GNPTG: variants seen among roughly 807,000 people sequenced by gnomAD.
GNPTG encodes the protein N-acetylglucosamine-1-phosphotransferase subunit gamma.
A neutral mutation model predicts 43.8 loss-of-function variants in GNPTG; 46 were observed. The ratio of observed to expected loss-of-function variants is 1.05; its 90% CI spans 0.83 to 1.34. The LOEUF is 1.34. Ranked by LOEUF, GNPTG falls within the 40% of genes most tolerant of loss-of-function variation. The probability of loss-of-function intolerance (pLI) is 0.00; values close to 1 mark genes in which losing one functional copy is unlikely to be tolerated. For missense variants in GNPTG, 549 were observed against 411.3 expected, an observed-to-expected ratio of 1.33 and a Z score of -2.90; for synonymous variants, 250 against 172.8, an observed-to-expected ratio of 1.45 and a Z score of -3.50.
At position 1,352,303 on chromosome 16, in the gene GNPTG, T is replaced by C; in HGVS notation, c.175T>C (p.Ser59Pro). ...GGCCAAGAGGGATCCTTCACCCGTG[T>C]CTGGTGAGTGAGGAGCGCTGTTGGC... is the stretch of plus-strand genomic sequence containing the variant. ...LQAKRDPSPV[S>P]GPVHLFRLSG... The change falls in exon 3 of 11, where the codon TCT (serine) becomes CCT (proline). Residue 59 changes from serine (S) to proline (P), a missense_variant. By Grantham distance (74) the Ser-to-Pro change is moderately conservative (BLOSUM62 -1). Transcript: ENST00000204679. The C allele has an allele frequency of 6.5e-7, 1 of 1,548,246 alleles. No individual in the cohort carries two copies.
rs772723751 is a variant in GNPTG, at chr16:1,363,026, G to A, written c.853G>A (p.Glu285Lys). 3.7e-6 allele frequency: 6 copies of A among 1,613,918 alleles called. No homozygotes were observed. The highest frequency in any genetic ancestry group is 2.2e-5 in the East Asian group (1 of 44,868). The change falls in exon 11 of 11, where the codon GAG (glutamate) becomes AAG (lysine). Residue 285 changes from glutamate (E) to lysine (K), a missense_variant. Coordinates refer to ENST00000204679, the MANE Select transcript of GNPTG (RefSeq NM_032520.5). ...TTCCAACTTGGAGCACTTGGGCCAC[G>A]AGACGCCCAGAGCCAAGTCTCCAGA... ...ETSNLEHLGH[E>K]TPRAKSPEQL...
chr16:1,362,320 G>A lies in GNPTG; in HGVS notation c.526G>A (p.Val176Met). 1 of 1,612,682 alleles carries A rather than the reference G, an allele frequency of 6.2e-7. No homozygotes were observed. The highest frequency in any genetic ancestry group is 1.1e-5 in the South Asian group (1 of 91,060). The change falls in exon 7 of 11, where the codon GTG becomes ATG. Residue 176 changes from valine to methionine, a missense_variant and splice_region_variant. Coordinates refer to ENST00000204679, the MANE Select transcript of GNPTG (RefSeq NM_032520.5). ...PLVCHPHALL[V>M]YPTLPEALQR... ...CGTCTGCCACCCCCACGCCTTGCTAGGTAGGGGTGCGGGACGCAGTTGAGC... is the reference window on the plus strand; with the variant it reads ...CGTCTGCCACCCCCACGCCTTGCTAAGTAGGGGTGCGGGACGCAGTTGAGC...
intron 7 of GNPTG, 42 bp downstream of exon 7, chr16:1,362,362 C>G (rs763241194): frequency 6.2e-7 from 1 of 1,608,558 alleles, no homozygotes; most frequent in African/African-American, 1.3e-5. Context: ...GGGTCAGCCG[C>G]GCACGCAGCC....
chr16:1,359,678 G>A (rs1358783946), intron 3 of GNPTG, among the ~76,000 whole-genome samples: 1 of 152,168 alleles, frequency 6.6e-6, no homozygotes, highest in African/African-American at 2.4e-5. Flanking sequence ...AGATTTGTTC[G>A]ATGATTTGGG....
chr16:1,361,266 T>A (rs1388851716), intron 3 of GNPTG: 1 of 188,490 alleles, frequency 5.3e-6, no homozygotes, highest in Non-Finnish European at 1.1e-5. Flanking sequence ...GAAGGGCTAT[T>A]TTTAGAATTC....
chr16:1,361,858 A>G lies in GNPTG; in HGVS notation c.234-14A>G, dbSNP rs1294766366. The stretch of plus-strand genomic sequence containing the variant: ...GCAGCCTGCGGACCCCCCTCATGCC[A>G]TCTGTGTCCCCAGGTACAAGTATGA... On this transcript the variant is annotated splice_polypyrimidine_tract_variant and intron_variant, in intron 4 of 10. Coordinates refer to ENST00000204679, the MANE Select transcript of GNPTG (RefSeq NM_032520.5). 1.9e-6 allele frequency: 3 copies of G among 1,613,952 alleles called. No homozygotes were observed. The highest frequency in any genetic ancestry group is 1.3e-5 in the African/African-American group (1 of 75,044).
At chr16:1,360,879 G>GCACCC (rs937223160) in intron 3 of GNPTG, 1 of 152,404 alleles carries the variant, frequency 6.6e-6, no homozygotes, top group African/African-American at 2.4e-5. Context: ...TTCCCCGGGT[G>GCACCC]GCACACCGGC....
intron 3 of GNPTG, among the ~76,000 whole-genome samples, chr16:1,360,045 T>G (rs369579160): frequency 6.6e-6 from 1 of 151,982 alleles, no homozygotes. Context: ...GTGGTGGAGA[T>G]TGTAGTGAGC....
At position 1,362,086 on chromosome 16, in the gene GNPTG, G is replaced by A. The variant is rs757394606; in HGVS notation, c.366G>A (p.Trp122Ter). The A allele has an allele frequency of 6.2e-7, 1 of 1,612,076 alleles. No individual in the cohort carries two copies. The highest frequency in any genetic ancestry group is 1.1e-5 in the South Asian group (1 of 90,954). Residue 122 changes from tryptophan (W) to a stop codon, truncating the protein, a stop_gained, in exon 6 of 11, where the codon TGG becomes TGA. Transcript: ENST00000204679. LOFTEE classifies it high-confidence loss of function. ...CCAACAACACCTTCACGGGCATGTG[G>A]ATGAGGGACGGTGACGCCTGCCGTT... Reference protein sequence around the residue: ...EIANNTFTGMWMRDGDACRSR... With the variant: ...EIANNTFTGM
At position 1,352,632 on chromosome 16, in the gene GNPTG, A is replaced by G. The variant is rs1191983353; in HGVS notation, c.178+326A>G. 2.2e-5 allele frequency: 8 copies of G among 369,534 alleles called. No individual in the cohort carries two copies. The East Asian group carries it at 4.3e-4, about 20-fold the overall frequency. The allele number at this position is 369,534 out of a possible 1,614,324, so 22.9% of individuals were successfully genotyped here. A position where few individuals can be genotyped will look rare whatever the true frequency, so the allele number is the denominator to read the frequency against. ...TTTTTGTAATCTAATCGCTTTTTTA[A>G]AAAATCATGCTGCGCGAGTATTTGG... On this transcript the variant is annotated intron_variant, in intron 3 of 10. Coordinates refer to ENST00000204679, the MANE Select transcript of GNPTG (RefSeq NM_032520.5).
rs901250980 is a variant in GNPTG at position 1,352,288 on chromosome 16, G to A, written c.160G>A (p.Asp54Asn). 2.1e-5 allele frequency: 33 copies of A among 1,548,242 alleles called. No individual in the cohort carries two copies. The highest frequency in any genetic ancestry group is 2.4e-5 in the Non-Finnish European group (28 of 1,146,820). ...PQASRLQAKRDPSPVSGPVHL... is the reference protein window; with the variant it reads ...PQASRLQAKRNPSPVSGPVHL... The stretch of plus-strand genomic sequence containing the variant: ...GGCCAGTCGCCTCCAGGCCAAGAGG[G>A]ATCCTTCACCCGTGTCTGGTGAGTG... The change falls in exon 3 of 11, where the codon GAT becomes AAT. Residue 54 changes from aspartate to asparagine, a missense_variant. Coordinates refer to ENST00000204679, the MANE Select transcript of GNPTG (RefSeq NM_032520.5).
Position 1,364,029 on chromosome 16 carries a change from G to A in GNPTG, c.*938G>A, listed in dbSNP as rs1490596768. The A allele has an allele frequency of 1.3e-5, 2 of 152,186 alleles. No homozygotes were observed. Among genetic ancestry groups the A allele is most frequent in the African/African-American group, 4.8e-5 (2 of 41,430 alleles). The allele number at this position is 152,186 out of a possible 1,614,324, so 9.4% of individuals were successfully genotyped here. ...CTGACAACCGGGAGATGTCTCGGCA[G>A]ACACCACTTATCCCAGAAAAGACCA... is the stretch of plus-strand genomic sequence containing the variant. On this transcript the variant is annotated 3_prime_UTR_variant, in exon 11 of 11. Coordinates refer to ENST00000204679, the MANE Select transcript of GNPTG (RefSeq NM_032520.5).
chr16:1,358,632 A>G (rs1210513849), intron 3 of GNPTG, among the ~76,000 whole-genome samples: 2 of 152,084 alleles, frequency 1.3e-5, no homozygotes, highest in African/African-American at 4.8e-5. Context: ...GGATCTTATT[A>G]GAATTCCATG....
At chr16:1,360,352 T>C (rs1011449287) in intron 3 of GNPTG, among the ~76,000 whole-genome samples, 5 of 152,300 alleles carry the variant, frequency 3.3e-5, no homozygotes, top group African/African-American at 9.6e-5. Flanking sequence ...AGGCCGGGCA[T>C]AGTGGCTCAC....
Position 1,351,971 on chromosome 16 carries a change from G to T in GNPTG, c.6G>T (p.Ala2=), listed in dbSNP as rs886051658. The change falls in exon 1 of 11, where the codon GCG becomes GCT. Residue 2 remains alanine, a synonymous_variant. Transcript: ENST00000204679. ...GCGGCGGCCGCTGCGGCGCGATGGCGGCGGGGCTGGCGCGGCTCCTGTTGC... is the reference window on the plus strand; with the variant it reads ...GCGGCGGCCGCTGCGGCGCGATGGCTGCGGGGCTGGCGCGGCTCCTGTTGC... M[A]AGLARLLLLL... is the part of the protein sequence containing the mutation. 22 of 1,315,892 alleles carry T rather than the reference G, an allele frequency of 1.7e-5. No homozygotes were observed. The East Asian group carries it at 6.4e-4, about 38-fold the overall frequency. The allele number at this position is 1,315,892 out of a possible 1,614,324, so 81.5% of individuals were successfully genotyped here. A position where few individuals can be genotyped will look rare whatever the true frequency, so the allele number is the denominator to read the frequency against.
chr16:1,358,960 C>G (rs1462761222), intron 3 of GNPTG: 2 of 152,048 alleles, frequency 1.3e-5, no homozygotes, highest in Non-Finnish European at 2.9e-5. Context: ...CTCCCAGGCT[C>G]AGGCGATTCT....
chr16:1,363,462 G>A lies in GNPTG; in HGVS notation c.*371G>A, dbSNP rs928904342. On this transcript the variant is annotated 3_prime_UTR_variant, in exon 11 of 11. Transcript: ENST00000204679. ...ACTTGAGGCGTCCACGCGGAACAAG[G>A]TCTGCTGACCACAGTTACACACGTC... 2.7e-5 allele frequency: 9 copies of A among 339,524 alleles called. No individual in the cohort carries two copies. Among genetic ancestry groups the A allele is most frequent in the Non-Finnish European group, 4.6e-5 (8 of 174,458 alleles). 21.0% of individuals were successfully genotyped at this position (339,524 alleles called of 1,614,324 possible).
At chr16:1,359,201 C>T (rs1285642488) in intron 3 of GNPTG, among the ~76,000 whole-genome samples, 1 of 152,130 alleles carries the variant, frequency 6.6e-6, no homozygotes. Flanking sequence ...ATGTGAGTCT[C>T]TTACATACGT....
chr16:1,361,637 C>A, intron 3 of GNPTG, 106 bp from the exon 4 acceptor site: 2 of 1,148,048 alleles, frequency 1.7e-6, no homozygotes, highest in East Asian at 5.0e-5. Context: ...GAGTGAGACT[C>A]CATCTCAAAA....
Sources: allele counts gnomAD v4.1 joint callset (sites outside exome capture counted in the v4.1 genomes callset), GRCh38; gene constraint gnomAD v4.1.1; transcripts MANE v1.5; gene names NCBI Gene and HGNC (gene_info 2026-07-23, HGNC 2026-07-21).